Variants in PHEX observed in about 807,000 individuals in gnomAD.
PHEX encodes phosphate regulating endopeptidase X-linked, also known as phosphate-regulating neutral endopeptidase PHEX.
In PHEX, 16 loss-of-function variants were observed where a neutral mutation model predicts 68.0. The ratio of observed to expected loss-of-function variants is 0.24; its 90% CI spans 0.16 to 0.36. The LOEUF is 0.36. Ranked by LOEUF, PHEX falls within the 10% of genes least tolerant of loss-of-function variation. The pLI, the probability that PHEX is intolerant of heterozygous loss-of-function variation, is 1.00. For missense variants in PHEX, 480 were observed against 575.5 expected, an observed-to-expected ratio of 0.83 and a Z score of 1.70; for synonymous variants, 208 against 205.1, an observed-to-expected ratio of 1.01 and a Z score of -0.12.
chrX:22,169,548 G>C (rs1049605794), intron 13 of PHEX, among the ~76,000 whole-genome samples: 2 of 112,209 alleles, frequency 1.8e-5, no homozygotes, highest in Non-Finnish European at 3.8e-5. Flanking sequence ...GTTCCACACA[G>C]ACTTTCAGAG....
intron 13 of PHEX, among the ~76,000 whole-genome samples, chrX:22,177,989 A>G (rs1293008053): frequency 1.8e-5 from 2 of 112,532 alleles, no homozygotes; most frequent in East Asian, 2.8e-4. Context: ...AGATTTTTCA[A>G]TTAGAAAGTA....
chrX:22,171,285 T>C (rs1055891755), intron 13 of PHEX: 1 of 110,154 alleles, frequency 9.1e-6, no homozygotes, highest in African/African-American at 3.3e-5. Context: ...CTGCCACTTT[T>C]AAAACCATCA....
chrX:22,148,468 A>T (rs1932766583), intron 12 of PHEX, among the ~76,000 whole-genome samples: 1 of 111,957 alleles, frequency 8.9e-6, no homozygotes, highest in African/African-American at 3.2e-5. Flanking sequence ...CACTTCACAA[A>T]CTTATTTTTT....
At chrX:22,144,850 G>A (rs762238283) in intron 12 of PHEX, among the ~76,000 whole-genome samples, 7 of 110,426 alleles carry the variant, frequency 6.3e-5, no homozygotes, top group Admixed American at 1.9e-4. Flanking sequence ...TAAGAGTACC[G>A]CCTCTCCATC....
intron 12 of PHEX, among the ~76,000 whole-genome samples, chrX:22,161,309 C>G (rs1326984209): frequency 8.9e-6 from 1 of 111,868 alleles, no homozygotes; most frequent in African/African-American, 3.3e-5. Context: ...GCCTGTGATC[C>G]CAGCTACTTG....
At chrX:22,168,084 T>A (rs1933395219) in intron 12 of PHEX, among the ~76,000 whole-genome samples, 1 of 111,617 alleles carries the variant, frequency 9.0e-6, no homozygotes, top group South Asian at 3.7e-4. Flanking sequence ...TTAAATTTTT[T>A]ATTTTGTTTA....
rs765001410 is a variant in PHEX, at chrX:22,157,002, C to G, written c.1405-11310C>G. 1.2e-4 allele frequency among the ~76,000 whole-genome samples: 13 copies of G among 111,188 alleles called. No homozygotes were observed. The Admixed American group carries it at 1.2e-3, about 11-fold the overall frequency. On this transcript the variant is annotated intron_variant, in intron 12 of 21. Transcript: ENST00000379374. ...AGTTCAAGTGATCCTTCTGCCTCGG[C>G]CTCCCAGGTAGCTGGGATTTCAGGT...
intron 3 of PHEX, among the ~76,000 whole-genome samples, chrX:22,055,202 A>C (rs112486812): frequency 0.57 from 53,913 of 95,140 alleles, 12,212 homozygotes; most frequent in African/African-American, 0.66. Flanking sequence ...AAAAAAAAAA[A>C]AAAAAAAAAA....
chrX:22,232,478 A>ATAGT (rs1455881610), intron 20 of PHEX, among the ~76,000 whole-genome samples: 1 of 108,944 alleles, frequency 9.2e-6, no homozygotes, highest in South Asian at 4.1e-4. Flanking sequence ...TATATTTAGG[A>ATAGT]TAGTTAGCTC....
chrX:22,032,904 A>G lies in PHEX; in HGVS notation c.-102A>G. The G allele has an allele frequency of 1.7e-6, 1 of 605,762 alleles. No individual in the cohort carries two copies. Among genetic ancestry groups the G allele is most frequent in the Non-Finnish European group, 2.9e-6 (1 of 343,702 alleles). The allele number at this position is 605,762 out of a possible 1,213,427, so 49.9% of individuals were successfully genotyped here. Reference sequence around the variant, plus strand: ...GCAGTTTCTTAAGCTGTCCATTAGTAGAAGAGCAAGAAAGCCTTGGATGTC... The same window carrying G: ...GCAGTTTCTTAAGCTGTCCATTAGTGGAAGAGCAAGAAAGCCTTGGATGTC... On this transcript the variant is annotated 5_prime_UTR_variant, in exon 1 of 22. Coordinates refer to ENST00000379374, the MANE Select transcript of PHEX (RefSeq NM_000444.6).
Position 22,151,123 on chromosome X carries a change from C to T in PHEX, c.1405-17189C>T, listed in dbSNP as rs181365607. 1.2e-4 allele frequency among the ~76,000 whole-genome samples: 14 copies of T among 112,273 alleles called. No individual in the cohort carries two copies. The East Asian group carries it at 3.9e-3, about 31-fold the overall frequency. On this transcript the variant is annotated intron_variant, in intron 12 of 21. Coordinates refer to ENST00000379374, the MANE Select transcript of PHEX (RefSeq NM_000444.6). Reference sequence around the variant, plus strand: ...TGAGAGGTAGAGAGCAGAGAGGTTCCTGGACATGTACATTTTGTGTTGAGA... The same window carrying T: ...TGAGAGGTAGAGAGCAGAGAGGTTCTTGGACATGTACATTTTGTGTTGAGA...
intron 20 of PHEX, 44 bp downstream of exon 20, chrX:22,227,655 T>TTGAG (rs1569434630): frequency 4.5e-6 from 4 of 882,619 alleles, no homozygotes; most frequent in Admixed American, 4.4e-5. Flanking sequence ...GATGCAGGAC[T>TTGAG]TGAGTTTGCT....
chrX:22,221,787 T>C (rs1476392230), intron 18 of PHEX, 44 bp downstream of exon 18: 1 of 1,143,602 alleles, frequency 8.7e-7, no homozygotes, highest in Admixed American at 2.2e-5. Context: ...TGGTTCATTT[T>C]TCCTCATTTG....
In PHEX at chrX:22,244,347, CG is replaced by C. The variant is rs897960495; in HGVS notation, c.2071-983del. On this transcript the variant is annotated intron_variant, in intron 20 of 21. Transcript: ENST00000379374. ...ATGCCTAATGTAGATGACGGGTTGA[CG>C]GGTCCAGTAAACCATCATGGCACAT... Among the ~76,000 whole-genome samples the C allele has an allele frequency of 3.6e-5, 4 of 110,214 alleles. No homozygotes were observed. In the Admixed American group the frequency reaches 3.9e-4, roughly 11 times the overall value.
At chrX:22,240,481 T>C (rs1267290418) in intron 20 of PHEX, among the ~76,000 whole-genome samples, 1 of 111,590 alleles carries the variant, frequency 9.0e-6, no homozygotes, top group Non-Finnish European at 1.9e-5. Context: ...GTGTGCTGTA[T>C]TCAGGAAACC....
At position 22,184,907 on chromosome X, in the gene PHEX, T is replaced by C. The variant is rs1933982562; in HGVS notation, c.1587-5537T>C. ...TCTATAGCATGGAATGTGAGTGATA[T>C]AATCTGCAGGATATTAATAAGAAAG... On this transcript the variant is annotated intron_variant, in intron 14 of 21. Transcript: ENST00000379374. Among the ~76,000 whole-genome samples the C allele has an allele frequency of 3.6e-5, 4 of 112,498 alleles. No individual in the cohort carries two copies. The Admixed American group carries it at 3.8e-4, about 11-fold the overall frequency.
At chrX:22,116,020 G>T (rs1289037962) in intron 11 of PHEX, among the ~76,000 whole-genome samples, 1 of 111,738 alleles carries the variant, frequency 8.9e-6, no homozygotes, top group Non-Finnish European at 1.9e-5. Flanking sequence ...TTATTTTTTT[G>T]AAGATTTTCC....
chrX:22,121,887 C>T (rs1487790852), intron 11 of PHEX, among the ~76,000 whole-genome samples: 1 of 111,832 alleles, frequency 8.9e-6, no homozygotes, highest in Non-Finnish European at 1.9e-5. Flanking sequence ...AATTCTCCTC[C>T]CACCCCATAC....
At chrX:22,086,733 C>A (rs1267108207) in intron 5 of PHEX, among the ~76,000 whole-genome samples, 1 of 111,479 alleles carries the variant, frequency 9.0e-6, no homozygotes, top group African/African-American at 3.3e-5. Context: ...AACCTGAAGT[C>A]CAGACTCCAT....
Sources: gnomAD v4.1 joint callset for allele counts (sites outside exome capture counted in the v4.1 genomes callset) on GRCh38, gnomAD v4.1.1 for gene constraint, MANE v1.5 for transcripts, NCBI Gene and HGNC (gene_info 2026-07-23, HGNC 2026-07-21) for gene names.